Variants in DCUN1D1 observed in about 807,000 individuals in gnomAD.
DCUN1D1 encodes the protein DCN1-like protein 1.
In DCUN1D1, 3 loss-of-function variants were observed where a neutral mutation model predicts 39.0. The ratio of observed to expected loss-of-function variants is 0.08; its 90% CI spans 0.04 to 0.20. The LOEUF is 0.20. DCUN1D1 is among the 10% of genes least tolerant of loss of function. The pLI, the probability that DCUN1D1 is intolerant of heterozygous loss-of-function variation, is 1.00. For missense variants in DCUN1D1, 158 were observed against 302.4 expected (o/e 0.52, Z 3.54); for synonymous variants, 82 against 96.3 (o/e 0.85, Z 0.87).
intron 6 of DCUN1D1, among the ~76,000 whole-genome samples, chr3:182,945,621 A>C (rs1270051790): frequency 1.3e-5 from 2 of 151,294 alleles, no homozygotes; most frequent in South Asian, 2.1e-4. Flanking sequence ...AACAAACAAA[A>C]AACTGGCAGC....
At chr3:182,977,727 C>A (rs974253324) in intron 1 of DCUN1D1, among the ~76,000 whole-genome samples, 12 of 152,016 alleles carry the variant, frequency 7.9e-5, no homozygotes, top group Non-Finnish European at 2.9e-5. Context: ...AGCCACTGCA[C>A]TCAGCCGAAC....
chr3:182,964,861 G>C (rs1018737394), intron 2 of DCUN1D1, among the ~76,000 whole-genome samples: 1 of 151,896 alleles, frequency 6.6e-6, no homozygotes, highest in East Asian at 1.9e-4. Context: ...GACTGGTCTT[G>C]AACTCCTGAC....
chr3:182,951,006 C>CAAAAAAAAAAAA (rs56919089), intron 4 of DCUN1D1: 3 of 46,756 alleles, frequency 6.4e-5, no homozygotes, highest in Non-Finnish European at 1.1e-4. Flanking sequence ...AACTCTGTCT[C>CAAAAAAAAAAAA]AAAAAAAAAA....
intron 1 of DCUN1D1, among the ~76,000 whole-genome samples, chr3:182,972,050 GTTTTTT>G (rs397877483): frequency 1.2e-3 from 131 of 108,868 alleles, no homozygotes; most frequent in South Asian, 3.8e-3. Flanking sequence ...TCTATTTAGG[GTTTTTT>G]TTTTTTTTTT....
chr3:182,951,231 A>C (rs774229921), intron 4 of DCUN1D1, among the ~76,000 whole-genome samples: 25 of 152,150 alleles, frequency 1.6e-4, no homozygotes, highest in Non-Finnish European at 3.1e-4. Context: ...CTTCACTTTA[A>C]ATGCTTTAAG....
At chr3:182,961,870 T>C (rs536421717) in intron 3 of DCUN1D1, among the ~76,000 whole-genome samples, 8 of 152,198 alleles carry the variant, frequency 5.3e-5, no homozygotes, top group Non-Finnish European at 1.2e-4. Context: ...CTGAATCATC[T>C]CAAATTAATA....
Position 182,941,773 on chromosome 3 carries a change from T to C in DCUN1D1, c.*3321A>G, listed in dbSNP as rs1726143680. On this transcript the variant is annotated 3_prime_UTR_variant, in exon 7 of 7. Transcript: ENST00000292782. ...AAGTTGATTCAGTTTTACAAAGGCATACTTTGTGAACCATGGTGAATTTCC... is the reference window on the plus strand; with the variant it reads ...AAGTTGATTCAGTTTTACAAAGGCACACTTTGTGAACCATGGTGAATTTCC... 1 of 152,148 alleles carries C rather than the reference T, an allele frequency of 6.6e-6. No individual in the cohort carries two copies. The highest frequency in any genetic ancestry group is 1.5e-5 in the Non-Finnish European group (1 of 67,968). The allele number at this position is 152,148 out of a possible 1,614,324, so 9.4% of individuals were successfully genotyped here.
intron 4 of DCUN1D1, chr3:182,955,394 A>AGAAG (rs1577170560): frequency 1.8e-6 from 1 of 543,978 alleles, no homozygotes; most frequent in East Asian, 5.1e-5. Flanking sequence ...ACAGAATAGC[A>AGAAG]ATGTCTTCTT....
chr3:182,948,460 T>C (rs1322888110), intron 4 of DCUN1D1, among the ~76,000 whole-genome samples: 4 of 151,716 alleles, frequency 2.6e-5, no homozygotes, highest in South Asian at 2.1e-4. Context: ...ACTACACTTA[T>C]CACACAACAG....
At chr3:182,964,186 T>C in intron 2 of DCUN1D1, 137 bp from the exon 3 acceptor site, 1 of 621,910 alleles carries the variant, frequency 1.6e-6, no homozygotes, top group Non-Finnish European at 2.7e-6. Flanking sequence ...TACTCTAACA[T>C]ACACTTTCCC....
rs972055100 is a variant in DCUN1D1, at chr3:182,943,021, T to C, written c.*2073A>G. The C allele has an allele frequency of 1.3e-5, 2 of 150,792 alleles. No homozygotes were observed. The highest frequency in any genetic ancestry group is 3.0e-5 in the Non-Finnish European group (2 of 67,660). 9.3% of individuals were successfully genotyped at this position (150,792 alleles called of 1,614,324 possible). ...CAACCTGATGACAAACACTATTTTG[T>C]TGAAAAGGTTTTGCATTTAAAAAGA... On this transcript the variant is annotated 3_prime_UTR_variant, in exon 7 of 7. Coordinates refer to ENST00000292782, the MANE Select transcript of DCUN1D1 (RefSeq NM_020640.4).
upstream of DCUN1D1, among the ~76,000 whole-genome samples, chr3:182,983,050 A>G (rs1728611216): frequency 6.6e-6 from 1 of 152,146 alleles, no homozygotes; most frequent in East Asian, 1.9e-4. Context: ...GCAAATGTGA[A>G]TTTGTCCGTA....
At chr3:182,957,837 C>T (rs929821171) in intron 4 of DCUN1D1, among the ~76,000 whole-genome samples, 4 of 145,438 alleles carry the variant, frequency 2.8e-5, no homozygotes, top group Admixed American at 7.2e-5. Flanking sequence ...ACTCGGGAGG[C>T]GGAGGCAGGA....
rs981516839 is a variant in DCUN1D1, at chr3:182,963,757, A to C, written c.389+124T>G. 6 of 813,038 alleles carry C rather than the reference A, an allele frequency of 7.4e-6. No homozygotes were observed. The African/African-American group carries it at 1.0e-4, about 14-fold the overall frequency. The allele number at this position is 813,038 out of a possible 1,614,324, so 50.4% of individuals were successfully genotyped here. Reference sequence around the variant, plus strand: ...TGTATAACATGGAAACTAGCAAGTTAACCCATTTCTATTTATACCAATGTT... The same window carrying C: ...TGTATAACATGGAAACTAGCAAGTTCACCCATTTCTATTTATACCAATGTT... On this transcript the variant is annotated intron_variant, in intron 3 of 6. Coordinates refer to ENST00000292782, the MANE Select transcript of DCUN1D1 (RefSeq NM_020640.4).
At chr3:182,947,512 T>G (rs1718680512) in intron 5 of DCUN1D1, 38 bp downstream of exon 5, 1 of 1,308,258 alleles carries the variant, frequency 7.6e-7, no homozygotes, top group Non-Finnish European at 1.1e-6. Context: ...TAGCAGAATT[T>G]GAGAAAACAG....
chr3:182,943,125 A>C lies in DCUN1D1; in HGVS notation c.*1969T>G, dbSNP rs1245419452. ...AAACACTTTATATTGAAAAAAAAAA[A>C]AAAAAAAAAAAGCTAATGGGATCTC... On this transcript the variant is annotated 3_prime_UTR_variant, in exon 7 of 7. Coordinates refer to ENST00000292782, the MANE Select transcript of DCUN1D1 (RefSeq NM_020640.4). The C allele has an allele frequency of 1.8e-4, 27 of 147,458 alleles. No homozygotes were observed. The East Asian group carries it at 5.1e-3, about 28-fold the overall frequency. The allele number at this position is 147,458 out of a possible 1,614,324, so 9.1% of individuals were successfully genotyped here.
At position 182,945,171 on chromosome 3, in the gene DCUN1D1, C is replaced by T. The variant is rs1285586716; in HGVS notation, c.703G>A (p.Ala235Thr). 6.3e-7 allele frequency: 1 copy of T among 1,595,414 alleles called. No homozygotes were observed. The highest frequency in any genetic ancestry group is 8.5e-7 in the Non-Finnish European group (1 of 1,174,844). ...AAGTCATCAATAAGAACAGGCCATG[C>T]TCCTGGAAAAAAGAAAAAATATGAA... The part of the protein sequence containing the change: ...DDMSNYDEEG[A>T]WPVLIDDFVE... Residue 235 changes from alanine to threonine, a missense_variant and splice_region_variant, in exon 7 of 7, where the codon GCA (alanine) becomes ACA (threonine). Ala to Thr is a moderately conservative substitution (Grantham distance 58, BLOSUM62 0). Transcript: ENST00000292782.
intron 1 of DCUN1D1, among the ~76,000 whole-genome samples, chr3:182,970,453 AT>A (rs1371672026): frequency 6.6e-6 from 1 of 152,314 alleles, no homozygotes; most frequent in African/African-American, 2.4e-5. Context: ...TTAATAAGTG[AT>A]TTTTTAACAG....
intron 1 of DCUN1D1, among the ~76,000 whole-genome samples, chr3:182,970,280 G>A (rs949280384): frequency 2.6e-5 from 4 of 151,872 alleles, no homozygotes; most frequent in African/African-American, 4.8e-5. Context: ...AAAAAGAAAA[G>A]AAAAGAAATT....
Sources: allele counts gnomAD v4.1 joint callset (sites outside exome capture counted in the v4.1 genomes callset), GRCh38; gene constraint gnomAD v4.1.1; transcripts MANE v1.5; gene names NCBI Gene and HGNC (gene_info 2026-07-23, HGNC 2026-07-21).